The following RIT2 variants were observed in gnomAD, a reference collection of about 807,000 sequenced individuals.
RIT2 encodes GTP-binding protein Rit2.
Under a neutral mutation model 23.7 loss-of-function variants are expected in RIT2, and 24 were observed. That is an observed-to-expected ratio of 1.01 (90% CI 0.73 to 1.43). RIT2 has a LOEUF of 1.43. Ranked by LOEUF, RIT2 falls within the 40% of genes most tolerant of loss-of-function variation. The pLI is 0.00. For missense variants in RIT2, 236 were observed against 266.9 expected, an observed-to-expected ratio of 0.88 and a Z score of 0.81; for synonymous variants, 107 against 91.1, an observed-to-expected ratio of 1.17 and a Z score of -0.99.
At chr18:42,772,313 A>G (rs1913570430) in intron 4 of RIT2, among the ~76,000 whole-genome samples, 1 of 152,252 alleles carries the variant, frequency 6.6e-6, no homozygotes, top group Non-Finnish European at 1.5e-5. Flanking sequence ...TCTCAATGGC[A>G]ATATTTTGAC....
At chr18:42,923,868 G>T in intron 3 of RIT2, 105 bp from the exon 4 acceptor site, 1 of 900,806 alleles carries the variant, frequency 1.1e-6, no homozygotes. Context: ...AAACTATTAA[G>T]AATATTGATA....
At chr18:43,091,562 G>A (rs1354609008) in intron 1 of RIT2, among the ~76,000 whole-genome samples, 2 of 151,964 alleles carry the variant, frequency 1.3e-5, no homozygotes, top group Admixed American at 1.3e-4. Flanking sequence ...ATCTTCATTT[G>A]GACCCTCTGC....
intron 1 of RIT2, among the ~76,000 whole-genome samples, chr18:43,102,445 C>CTT (rs200839354): frequency 0.029 from 3,237 of 109,732 alleles, 127 homozygotes; most frequent in African/African-American, 0.066. Flanking sequence ...TCAGGAAACC[C>CTT]TTTTTTTTTT....
chr18:43,112,662 G>C (rs1471765590), intron 1 of RIT2, among the ~76,000 whole-genome samples: 1 of 152,114 alleles, frequency 6.6e-6, no homozygotes, highest in African/African-American at 2.4e-5. Context: ...CCAGCACTTT[G>C]GGGGGCTGAG....
chr18:42,837,998 A>T (rs2144019674), intron 4 of RIT2, among the ~76,000 whole-genome samples: 1 of 152,304 alleles, frequency 6.6e-6, no homozygotes, highest in East Asian at 1.9e-4. Context: ...GGGGAGAAAA[A>T]GATGTCATGG....
At chr18:42,993,268 C>A (rs1910898235) in intron 2 of RIT2, among the ~76,000 whole-genome samples, 2 of 152,204 alleles carry the variant, frequency 1.3e-5, no homozygotes, top group Non-Finnish European at 2.9e-5. Context: ...CACCTGGTAG[C>A]CACTCCCAGA....
intron 4 of RIT2, among the ~76,000 whole-genome samples, chr18:42,805,367 G>A (rs1339978849): frequency 6.6e-6 from 1 of 152,142 alleles, no homozygotes; most frequent in African/African-American, 2.4e-5. Flanking sequence ...ATATTATTTA[G>A]TTGAAATACA....
At chr18:42,873,336 T>C (rs186005621) in intron 4 of RIT2, among the ~76,000 whole-genome samples, 2 of 152,278 alleles carry the variant, frequency 1.3e-5, no homozygotes. Flanking sequence ...TTAAAGTCTA[T>C]ACTTTTCATA....
At chr18:42,919,386 C>G (rs1490898720) in intron 4 of RIT2, among the ~76,000 whole-genome samples, 1 of 151,892 alleles carries the variant, frequency 6.6e-6, no homozygotes, top group Non-Finnish European at 1.5e-5. Context: ...CTGTTGGTAC[C>G]GAAAGGTTTG....
chr18:42,992,900 T>C (rs1436243133), intron 2 of RIT2, among the ~76,000 whole-genome samples: 1 of 152,132 alleles, frequency 6.6e-6, no homozygotes, highest in Non-Finnish European at 1.5e-5. Flanking sequence ...CAATATGCAT[T>C]TTATTTTATT....
chr18:43,034,939 T>C (rs1321667425), intron 1 of RIT2, among the ~76,000 whole-genome samples: 2 of 152,174 alleles, frequency 1.3e-5, no homozygotes, highest in South Asian at 2.1e-4. Context: ...TGCCTATACA[T>C]CTCTGCATGT....
intron 2 of RIT2, among the ~76,000 whole-genome samples, chr18:43,021,907 A>G (rs1911606063): frequency 6.6e-6 from 1 of 152,118 alleles, no homozygotes; most frequent in Non-Finnish European, 1.5e-5. Flanking sequence ...GGGTTTCCAA[A>G]AAAACTAAAA....
rs1218803166 is a variant in RIT2, at chr18:42,959,263, T to C, written c.234+14811A>G. On this transcript the variant is annotated intron_variant, in intron 3 of 4. Coordinates refer to ENST00000326695, the MANE Select transcript of RIT2 (RefSeq NM_002930.4). Reference sequence around the variant, plus strand: ...TCTTATTATTTGACATTTTAATTGCTAGAGCTAAAAACTGTAAGGACATTG... The same window carrying C: ...TCTTATTATTTGACATTTTAATTGCCAGAGCTAAAAACTGTAAGGACATTG... Among the ~76,000 whole-genome samples, 3 of 152,350 alleles carry C rather than the reference T, an allele frequency of 2.0e-5. No individual in the cohort carries two copies. The South Asian group carries it at 6.2e-4, about 32-fold the overall frequency.
chr18:43,006,074 TAAGAGAGACA>T (rs1380284210), intron 2 of RIT2, among the ~76,000 whole-genome samples: 3 of 151,486 alleles, frequency 2.0e-5, no homozygotes, highest in Non-Finnish European at 4.4e-5. Flanking sequence ...ATAACAGGCT[TAAGAGAGACA>T]AAGGAAACAT....
intron 4 of RIT2, among the ~76,000 whole-genome samples, chr18:42,865,498 A>G (rs1449601413): frequency 2.6e-5 from 4 of 152,172 alleles, no homozygotes; most frequent in East Asian, 1.9e-4. Context: ...GCTTTCCCCA[A>G]ATTTATTATA....
At chr18:42,953,880 C>A (rs1048848441) in intron 3 of RIT2, among the ~76,000 whole-genome samples, 2 of 151,998 alleles carry the variant, frequency 1.3e-5, no homozygotes, top group Admixed American at 6.6e-5. Flanking sequence ...CTATTATGCT[C>A]GAGGCTGAGC....
intron 4 of RIT2, among the ~76,000 whole-genome samples, chr18:42,806,588 C>T (rs58531497): frequency 0.056 from 8,560 of 152,170 alleles, 746 homozygotes; most frequent in African/African-American, 0.19. Flanking sequence ...TTTGTGCTAA[C>T]GGGCCAGCAA....
intron 1 of RIT2, among the ~76,000 whole-genome samples, chr18:43,036,979 T>G (rs1911995998): frequency 6.6e-6 from 1 of 152,210 alleles, no homozygotes; most frequent in Admixed American, 6.5e-5. Flanking sequence ...TTACACAGTT[T>G]TATATCCTTA....
chr18:43,013,762 A>G (rs1911407536), intron 2 of RIT2, among the ~76,000 whole-genome samples: 1 of 151,730 alleles, frequency 6.6e-6, no homozygotes, highest in Admixed American at 6.6e-5. Flanking sequence ...CTTGAAAACT[A>G]GATAAATAAG....
Sources: allele counts gnomAD v4.1 joint callset (sites outside exome capture counted in the v4.1 genomes callset), GRCh38; gene constraint gnomAD v4.1.1; transcripts MANE v1.5; gene names NCBI Gene and HGNC (gene_info 2026-07-23, HGNC 2026-07-21).